The following RTN4IP1 variants were observed in gnomAD, a reference collection of about 807,000 sequenced individuals.
RTN4IP1 encodes the protein reticulon 4 interacting protein 1, also known as NAD(P)H oxidoreductase RTN4IP1, mitochondrial.
In RTN4IP1, 32 loss-of-function variants were observed where a neutral mutation model predicts 46.6. That is an observed-to-expected ratio of 0.69 (90% CI 0.52 to 0.92). The LOEUF (loss-of-function observed/expected upper bound fraction) is 0.92, where lower values mean the gene tolerates loss of function less well. RTN4IP1 is among the 40% of genes least tolerant of loss of function. The probability of loss-of-function intolerance (pLI) is 0.00; values close to 1 mark genes in which losing one functional copy is unlikely to be tolerated. For synonymous variants in RTN4IP1, 167 were observed against 161.8 expected (o/e 1.03, Z -0.24); for missense variants, 424 against 485.8 (o/e 0.87, Z 1.20).
At chr6:106,628,311 C>CA (rs1776706505) in intron 1 of RTN4IP1, among the ~76,000 whole-genome samples, 1 of 151,266 alleles carries the variant, frequency 6.6e-6, no homozygotes. Flanking sequence ...ACTAAAAATA[C>CA]AAAAAATTAG....
chr6:106,597,396 G>A (rs1338705883), intron 5 of RTN4IP1, among the ~76,000 whole-genome samples: 1 of 152,138 alleles, frequency 6.6e-6, no homozygotes, highest in African/African-American at 2.4e-5. Flanking sequence ...CCAGGCTGAA[G>A]TGCAGTGGTG....
upstream of RTN4IP1, chr6:106,629,595 G>A (rs1239300953): frequency 1.3e-6 from 2 of 1,501,076 alleles, no homozygotes; most frequent in Non-Finnish European, 1.8e-6. Context: ...ATTAAAGATG[G>A]CTGCGCCCAT....
intron 8 of RTN4IP1, among the ~76,000 whole-genome samples, chr6:106,580,786 C>T (rs1775351490): frequency 6.6e-6 from 1 of 150,964 alleles, no homozygotes; most frequent in African/African-American, 2.4e-5. Context: ...AATTCCATTT[C>T]CATAAACAGA....
intron 1 of RTN4IP1, 38 bp from the exon 2 acceptor site, chr6:106,623,007 G>T (rs762889100): frequency 6.2e-7 from 1 of 1,602,012 alleles, no homozygotes; most frequent in Non-Finnish European, 8.5e-7. Context: ...CCAAATGTAA[G>T]TATGAAATGC....
intron 8 of RTN4IP1, among the ~76,000 whole-genome samples, chr6:106,577,858 G>A (rs1428361184): frequency 6.6e-6 from 1 of 152,104 alleles, no homozygotes; most frequent in Non-Finnish European, 1.5e-5. Flanking sequence ...GAGAAGGCAA[G>A]GAAACAGATC....
chr6:106,572,118 A>G lies in RTN4IP1; in HGVS notation c.1084-15T>C, dbSNP rs920441310. The G allele has an allele frequency of 6.3e-7, 1 of 1,592,272 alleles. No homozygotes were observed. Among genetic ancestry groups the G allele is most frequent in the Non-Finnish European group, 8.6e-7 (1 of 1,162,286 alleles). ...ACTGGCCGGATCTGTAAAACATAAG[A>G]GGTTGACCGGTGGATAAAAAAGCCT... On this transcript the variant is annotated splice_polypyrimidine_tract_variant and intron_variant, in intron 8 of 8. Coordinates refer to ENST00000369063, the MANE Select transcript of RTN4IP1 (RefSeq NM_032730.5).
chr6:106,586,526 A>C (rs1030647400), intron 7 of RTN4IP1, among the ~76,000 whole-genome samples: 1 of 152,014 alleles, frequency 6.6e-6, no homozygotes, highest in East Asian at 1.9e-4. Context: ...ATACACCAAC[A>C]TACCTGGCAA....
intron 5 of RTN4IP1, among the ~76,000 whole-genome samples, chr6:106,599,592 T>C (rs1370584694): frequency 6.6e-6 from 1 of 152,128 alleles, no homozygotes; most frequent in African/African-American, 2.4e-5. Context: ...CAACACTCGG[T>C]TGTGGTATTC....
intron 4 of RTN4IP1, among the ~76,000 whole-genome samples, chr6:106,614,197 G>C (rs1776294955): frequency 6.6e-6 from 1 of 152,178 alleles, no homozygotes. Context: ...AAGGAACTTG[G>C]AAGACATTGT....
intron 2 of RTN4IP1, among the ~76,000 whole-genome samples, chr6:106,621,959 G>A (rs1252103386): frequency 1.3e-5 from 2 of 152,258 alleles, no homozygotes; most frequent in East Asian, 3.9e-4. Context: ...ACAAGTGACA[G>A]GTGATTATAC....
chr6:106,619,158 GAAAGA>G, intron 4 of RTN4IP1, 39 bp downstream of exon 4: 1 of 1,605,396 alleles, frequency 6.2e-7, no homozygotes, highest in Non-Finnish European at 8.5e-7. Flanking sequence ...CTCACAGAAG[GAAAGA>G]AAAGAGGTTT....
intron 4 of RTN4IP1, among the ~76,000 whole-genome samples, chr6:106,612,020 A>G (rs1043031354): frequency 2.6e-5 from 4 of 152,134 alleles, no homozygotes; most frequent in African/African-American, 9.7e-5. Flanking sequence ...ATCCCCCCAA[A>G]TGGGATAGGC....
intron 1 of RTN4IP1, among the ~76,000 whole-genome samples, chr6:106,627,166 GAAT>G (rs537172280): frequency 1.0e-3 from 153 of 149,760 alleles, no homozygotes; most frequent in African/African-American, 3.5e-3. Flanking sequence ...GATAACTTGC[GAAT>G]AATATTACCC....
intron 1 of RTN4IP1, among the ~76,000 whole-genome samples, chr6:106,626,233 A>G (rs1162274754): frequency 1.3e-5 from 2 of 152,094 alleles, no homozygotes; most frequent in Non-Finnish European, 2.9e-5. Flanking sequence ...AAAAATCAAG[A>G]CACATGGGAT....
intron 3 of RTN4IP1, 84 bp downstream of exon 3, chr6:106,621,341 G>A (rs1159855974): frequency 9.8e-7 from 1 of 1,015,748 alleles, no homozygotes; most frequent in Non-Finnish European, 1.6e-6. Context: ...ACATAAACTA[G>A]ATCTGAAAAA....
In RTN4IP1 at chr6:106,612,655, T is replaced by TACCTACTCCACCCTAATTCATTCTCATC. The variant is rs57330586; in HGVS notation, c.620+6546_620+6547insGATGAGAATGAATTAGGGTGGAGTAGGT. 3.5e-3 allele frequency among the ~76,000 whole-genome samples: 531 copies of TACCTACTCCACCCTAATTCATTCTCATC among 151,842 alleles called. 1 individual carries two copies. Among genetic ancestry groups the TACCTACTCCACCCTAATTCATTCTCATC allele is most frequent in the Non-Finnish European group, 6.5e-3 (440 of 67,936 alleles). Reference sequence around the variant, plus strand: ...TCCTCATAAAGCAACCTTTTACAATTACCTGCTCCACCCTGACTCATTCCA... The same window carrying TACCTACTCCACCCTAATTCATTCTCATC: ...TCCTCATAAAGCAACCTTTTACAATTACCTACTCCACCCTAATTCATTCTCATCACCTGCTCCACCCTGACTCATTCCA... On this transcript the variant is annotated intron_variant, in intron 4 of 8. Coordinates refer to ENST00000369063, the MANE Select transcript of RTN4IP1 (RefSeq NM_032730.5).
chr6:106,628,722 G>C, intron 1 of RTN4IP1, 26 bp downstream of exon 1: 1 of 1,577,408 alleles, frequency 6.3e-7, no homozygotes, highest in African/African-American at 1.4e-5. Context: ...TTTTAAAAAA[G>C]GTAACAATGT....
chr6:106,598,399 G>A (rs1346712911), intron 5 of RTN4IP1, among the ~76,000 whole-genome samples: 1 of 151,250 alleles, frequency 6.6e-6, no homozygotes, highest in Non-Finnish European at 1.5e-5. Context: ...TAACTGGTGT[G>A]AGATGATATC....
At position 106,622,936 on chromosome 6, in the gene RTN4IP1, C is replaced by T. The variant is rs372054380; in HGVS notation, c.308G>A (p.Arg103His). ...TTTGATTTTCACGTGTAAAGGATCACGCTTCATATTTAAAGCTGTAGCTCC... is the reference window on the plus strand; with the variant it reads ...TTTGATTTTCACGTGTAAAGGATCATGCTTCATATTTAAAGCTGTAGCTCC... ...GYGATALNMK[R>H]DPLHVKIKGE... is the part of the protein sequence containing the mutation. Residue 103 changes from arginine (R) to histidine (H), a missense_variant, in exon 2 of 9, where the codon CGT (arginine) becomes CAT (histidine). By Grantham distance (29) the Arg-to-His change is conservative (BLOSUM62 0). Transcript: ENST00000369063. 74 of 1,614,022 alleles carry T rather than the reference C, an allele frequency of 4.6e-5. No homozygotes were observed. The highest frequency in any genetic ancestry group is 1.3e-4 in the East Asian group (6 of 44,896).
Sources: gnomAD v4.1 joint callset for allele counts (sites outside exome capture counted in the v4.1 genomes callset) on GRCh38, gnomAD v4.1.1 for gene constraint, MANE v1.5 for transcripts, NCBI Gene and HGNC (gene_info 2026-07-23, HGNC 2026-07-21) for gene names.